Variants in USP7 observed in about 807,000 individuals in gnomAD.
The protein encoded by USP7 is ubiquitin C-terminal hydrolase 7.
A neutral mutation model predicts 162.9 loss-of-function variants in USP7; 9 were observed. That is an observed-to-expected ratio of 0.06 (90% CI 0.03 to 0.10). The LOEUF (loss-of-function observed/expected upper bound fraction) is 0.10, where lower values mean the gene tolerates loss of function less well. USP7 is among the 10% of genes least tolerant of loss of function. USP7 has a pLI of 1.00. For missense variants in USP7, 715 were observed against 1,373.7 expected (o/e 0.52, Z 7.58); for synonymous variants, 562 against 475.9 (o/e 1.18, Z -2.35).
chr16:8,903,638 G>A (rs921445230), intron 15 of USP7, among the ~76,000 whole-genome samples: 3 of 152,084 alleles, frequency 2.0e-5, no homozygotes, highest in East Asian at 1.9e-4. Context: ...AGGCCGAGGC[G>A]GGCGGATCAC....
At chr16:8,909,915 G>C (rs1395997221) in intron 11 of USP7, among the ~76,000 whole-genome samples, 2 of 152,000 alleles carry the variant, frequency 1.3e-5, no homozygotes, top group Non-Finnish European at 2.9e-5. Context: ...AACAGACCGA[G>C]TCTCCGTCTC....
chr16:8,925,448 A>G (rs1235477703), intron 2 of USP7, among the ~76,000 whole-genome samples: 2 of 152,242 alleles, frequency 1.3e-5, no homozygotes, highest in African/African-American at 4.8e-5. Flanking sequence ...TCTATTTTAT[A>G]TAATTCAGCT....
Position 8,963,638 on chromosome 16 carries a change from C to G in USP7, c.-353G>C, listed in dbSNP as rs1366406012. On this transcript the variant is annotated 5_prime_UTR_variant, in exon 1 of 31. Transcript: ENST00000344836. ...GGGGCCGGGGCTGCGGGGCCGCGGG[C>G]CGGCCGGGGGCGGAGGGCGGCCGGT... 7.1e-6 allele frequency among the ~76,000 whole-genome samples: 1 copy of G among 141,708 alleles called. No individual in the cohort carries two copies. Among genetic ancestry groups the G allele is most frequent in the East Asian group, 2.2e-4 (1 of 4,600 alleles). 93.0% of individuals were successfully genotyped at this position (141,708 alleles called of 152,430 possible).
At chr16:8,930,732 G>T (rs1013248449) in intron 1 of USP7, among the ~76,000 whole-genome samples, 2 of 152,132 alleles carry the variant, frequency 1.3e-5, no homozygotes, top group African/African-American at 2.4e-5. Context: ...ATTTTGAGAG[G>T]CCAAGGCGGA....
chr16:8,936,661 T>C, intron 1 of USP7: 4 of 1,548,990 alleles, frequency 2.6e-6, no homozygotes, highest in Non-Finnish European at 3.5e-6. Context: ...GGGGAGGTTC[T>C]CTCACCCACA....
In USP7 at chr16:8,898,343, G is replaced by C. The variant is rs1354649524; in HGVS notation, c.2718+17C>G. ...GTTCCAATAAAAATTAAAATTCATAGTATTAAAAAAACTTACCTCTTCCCT... is the reference window on the plus strand; with the variant it reads ...GTTCCAATAAAAATTAAAATTCATACTATTAAAAAAACTTACCTCTTCCCT... On this transcript the variant is annotated intron_variant, in intron 25 of 30. Transcript: ENST00000344836. The C allele has an allele frequency of 6.4e-7, 1 of 1,572,534 alleles. No individual in the cohort carries two copies. Among genetic ancestry groups the C allele is most frequent in the African/African-American group, 1.4e-5 (1 of 73,080 alleles).
chr16:8,900,223 A>C lies in USP7; in HGVS notation c.2309+307T>G, dbSNP rs1343465830. ...ACTGAAATGAATTACCCAAGTAGGT[A>C]CATTCTAAGGAGTTTCGATTTCATA... On this transcript the variant is annotated intron_variant, in intron 21 of 30. Coordinates refer to ENST00000344836, the MANE Select transcript of USP7 (RefSeq NM_003470.3). The C allele has an allele frequency of 2.1e-5, 7 of 335,354 alleles. No individual in the cohort carries two copies. In the East Asian group the frequency reaches 4.7e-4, roughly 22 times the overall value. The allele number at this position is 335,354 out of a possible 1,614,324, so 20.8% of individuals were successfully genotyped here.
chr16:8,954,680 T>C lies in USP7; in HGVS notation c.79+8527A>G, dbSNP rs576359821. ...TTCATTTGAGGTTTGCGTAGTTTAA[T>C]AACAGCAATTGCAGGCCGGGCACGG... On this transcript the variant is annotated intron_variant, in intron 1 of 30. Coordinates refer to ENST00000344836, the MANE Select transcript of USP7 (RefSeq NM_003470.3). 3.5e-4 allele frequency among the ~76,000 whole-genome samples: 53 copies of C among 152,304 alleles called. 2 individuals are homozygous for C. In the East Asian group the frequency reaches 4.8e-3, roughly 14 times the overall value.
At chr16:8,934,549 T>A (rs1485048504) in intron 1 of USP7, among the ~76,000 whole-genome samples, 1 of 152,240 alleles carries the variant, frequency 6.6e-6, no homozygotes, top group Admixed American at 6.5e-5. Flanking sequence ...AAGCCTATTA[T>A]TTTCTGAAAT....
At chr16:8,909,881 G>C (rs1015219435) in intron 11 of USP7, among the ~76,000 whole-genome samples, 1 of 152,054 alleles carries the variant, frequency 6.6e-6, no homozygotes, top group Non-Finnish European at 1.5e-5. Flanking sequence ...AGTCGAGATC[G>C]CGCCACTGCA....
rs905279543 is a variant in USP7, at chr16:8,917,230, T to C, written c.721-74A>G. On this transcript the variant is annotated intron_variant, in intron 6 of 30. Coordinates refer to ENST00000344836, the MANE Select transcript of USP7 (RefSeq NM_003470.3). Reference sequence around the variant, plus strand: ...AATTTAAAAAACAGTAAGAATTTAATCTTCATGTTTAAAAAAATCATTTCT... The same window carrying C: ...AATTTAAAAAACAGTAAGAATTTAACCTTCATGTTTAAAAAAATCATTTCT... 18 of 1,474,594 alleles carry C rather than the reference T, an allele frequency of 1.2e-5. No homozygotes were observed. The African/African-American group carries it at 2.4e-4, about 20-fold the overall frequency. 91.3% of individuals were successfully genotyped at this position (1,474,594 alleles called of 1,614,324 possible).
At chr16:8,963,184 C>T in intron 1 of USP7, 23 bp downstream of exon 1, 1 of 1,401,256 alleles carries the variant, frequency 7.1e-7, no homozygotes, top group Non-Finnish European at 9.4e-7. Flanking sequence ...CCGGCCCCGC[C>T]GCGGCCGGCC....
At chr16:8,916,683 A>G in intron 7 of USP7, 127 bp from the exon 8 acceptor site, 1 of 1,001,790 alleles carries the variant, frequency 1.0e-6, no homozygotes, top group Non-Finnish European at 1.5e-6. Flanking sequence ...TTCTGTGAAG[A>G]TTATTTTTGG....
At position 8,921,144 on chromosome 16, in the gene USP7, C is replaced by T. The variant is rs761803936; in HGVS notation, c.522+13G>A. 6.2e-7 allele frequency: 1 copy of T among 1,613,054 alleles called. No individual in the cohort carries two copies. ...ATGCACCAATTGTTCAGACTAAATACACTGTTACTTACACTCCAGGCCATA... is the reference window on the plus strand; with the variant it reads ...ATGCACCAATTGTTCAGACTAAATATACTGTTACTTACACTCCAGGCCATA... On this transcript the variant is annotated intron_variant, in intron 4 of 30. Transcript: ENST00000344836.
intron 1 of USP7, among the ~76,000 whole-genome samples, chr16:8,938,946 C>A (rs1318061654): frequency 6.6e-6 from 1 of 152,100 alleles, no homozygotes; most frequent in Non-Finnish European, 1.5e-5. Context: ...GATTTTGACA[C>A]CCTGAGAGGG....
At chr16:8,930,666 T>C (rs539123640) in intron 1 of USP7, among the ~76,000 whole-genome samples, 4 of 152,306 alleles carry the variant, frequency 2.6e-5, no homozygotes, top group Admixed American at 2.6e-4. Flanking sequence ...ACAAAACTTT[T>C]TATATAAAAT....
At chr16:8,961,067 C>A (rs747965861) in intron 1 of USP7, among the ~76,000 whole-genome samples, 8 of 152,166 alleles carry the variant, frequency 5.3e-5, no homozygotes, top group Non-Finnish European at 1.0e-4. Context: ...GATTAACTGT[C>A]CTAGGGGTTA....
At chr16:8,903,164 G>T in intron 16 of USP7, 104 bp downstream of exon 16, 4 of 1,453,882 alleles carry the variant, frequency 2.8e-6, no homozygotes, top group Non-Finnish European at 1.9e-6. Context: ...GCAGTGGCTG[G>T]ACACAGCACC....
chr16:8,901,911 C>A, intron 18 of USP7, 171 bp downstream of exon 18: 1 of 632,988 alleles, frequency 1.6e-6, no homozygotes, highest in Non-Finnish European at 2.7e-6. Context: ...AGGAAACTCG[C>A]AGCCAAGTCA....
Sources: gnomAD v4.1 joint callset for allele counts (sites outside exome capture counted in the v4.1 genomes callset) on GRCh38, gnomAD v4.1.1 for gene constraint, MANE v1.5 for transcripts, NCBI Gene and HGNC (gene_info 2026-07-23, HGNC 2026-07-21) for gene names.